The following REDIC1 variants were observed in gnomAD, a reference collection of about 807,000 sequenced individuals.
REDIC1 encodes regulator of DNA class I crossover intermediates 1, also known as HEI10 Interacting Protein 1.
the REDIC1 span, among the ~76,000 whole-genome samples, chr12:39,664,739 T>C: frequency 6.6e-6 from 1 of 152,250 alleles, no homozygotes; most frequent in South Asian, 2.1e-4. Flanking sequence ...CAGCATCTGT[T>C]GTTTCCTGGC....
chr12:39,749,214 A>G, the REDIC1 span, among the ~76,000 whole-genome samples: 3 of 152,100 alleles, frequency 2.0e-5, no homozygotes, highest in Non-Finnish European at 2.9e-5. Context: ...TCAAATAGAC[A>G]CAACAAAAAA....
At chr12:39,890,450 C>T in the REDIC1 span, among the ~76,000 whole-genome samples, 1 of 152,272 alleles carries the variant, frequency 6.6e-6, no homozygotes, top group Non-Finnish European at 1.5e-5. Flanking sequence ...TTAAATGTTG[C>T]TCATCAATTG....
chr12:39,789,304 T>C, the REDIC1 span, among the ~76,000 whole-genome samples: 1 of 152,108 alleles, frequency 6.6e-6, no homozygotes, highest in East Asian at 1.9e-4. Flanking sequence ...TAATGGATTA[T>C]TATATGATTT....
the REDIC1 span, among the ~76,000 whole-genome samples, chr12:39,696,551 A>AAAAAAT: frequency 8.4e-6 from 1 of 119,472 alleles, no homozygotes; most frequent in African/African-American, 3.5e-5. Context: ...TCAAAAAAAA[A>AAAAAAT]AAAAAAAAAA....
the REDIC1 span, among the ~76,000 whole-genome samples, chr12:39,687,881 TAAAGTCTTCACAGCAA>T: frequency 6.6e-6 from 1 of 152,212 alleles, no homozygotes; most frequent in East Asian, 1.9e-4. Flanking sequence ...CCTGAGTTGC[TAAAGTCTTCACAGCAA>T]AAGAGACTGA....
the REDIC1 span, among the ~76,000 whole-genome samples, chr12:39,900,559 G>A: frequency 6.6e-6 from 1 of 152,044 alleles, no homozygotes; most frequent in African/African-American, 2.4e-5. Context: ...CAAACAGAGA[G>A]CCAAATCATG....
chr12:39,707,095 A>C, the REDIC1 span, among the ~76,000 whole-genome samples: 1 of 152,018 alleles, frequency 6.6e-6, no homozygotes, highest in African/African-American at 2.4e-5. Flanking sequence ...AATGGGAGAA[A>C]ATATTTGCAA....
At chr12:39,846,628 T>A in the REDIC1 span, among the ~76,000 whole-genome samples, 1 of 152,148 alleles carries the variant, frequency 6.6e-6, no homozygotes, top group East Asian at 1.9e-4. Context: ...ATTTTTTGTA[T>A]TTTTGGAGAA....
the REDIC1 span, among the ~76,000 whole-genome samples, chr12:39,731,872 A>G: frequency 1.3e-5 from 2 of 151,486 alleles, no homozygotes; most frequent in Non-Finnish European, 2.9e-5. Context: ...TTATTATAAA[A>G]CACAAATGTA....
the REDIC1 span, among the ~76,000 whole-genome samples, chr12:39,736,387 G>A: frequency 2.6e-5 from 4 of 152,196 alleles, no homozygotes; most frequent in African/African-American, 4.8e-5. Flanking sequence ...CCAGGTCTTT[G>A]GATTGAGGAT....
At chr12:39,724,722 G>A in the REDIC1 span, among the ~76,000 whole-genome samples, 1 of 152,052 alleles carries the variant, frequency 6.6e-6, no homozygotes, top group South Asian at 2.1e-4. Flanking sequence ...GCCATCTGCT[G>A]AAAATTTAAT....
the REDIC1 span, among the ~76,000 whole-genome samples, chr12:39,763,043 G>A: frequency 6.6e-6 from 1 of 151,928 alleles, no homozygotes; most frequent in Non-Finnish European, 1.5e-5. Context: ...CTCAGGATGC[G>A]AGCATATACT....
At chr12:39,684,397 T>C in the REDIC1 span, 1 of 415,464 alleles carries the variant, frequency 2.4e-6, no homozygotes. Context: ...AAATTTTTAT[T>C]CTGGAAGTGA....
the REDIC1 span, among the ~76,000 whole-genome samples, chr12:39,781,549 T>G: frequency 6.6e-6 from 1 of 152,252 alleles, no homozygotes. Context: ...AACAAAATAT[T>G]GTCTCACAGT....
At chr12:39,758,836 C>A in the REDIC1 span, 2 of 149,108 alleles carry the variant, frequency 1.3e-5, no homozygotes, top group Admixed American at 6.7e-5. Context: ...GAAAAGTGTG[C>A]AAAATAAAAA....
the REDIC1 span, among the ~76,000 whole-genome samples, chr12:39,770,132 G>C: frequency 6.6e-6 from 1 of 151,760 alleles, no homozygotes; most frequent in Non-Finnish European, 1.5e-5. Context: ...CTAAATATAG[G>C]TGTCCTCTAA....
chr12:39,867,186 T>C, the REDIC1 span, among the ~76,000 whole-genome samples: 1 of 152,296 alleles, frequency 6.6e-6, no homozygotes. Context: ...TTTTCCCAAA[T>C]TACATCCATA....
the REDIC1 span, chr12:39,760,291 T>C: frequency 8.4e-6 from 13 of 1,540,510 alleles, no homozygotes; most frequent in African/African-American, 5.5e-5. Flanking sequence ...TATGAATATA[T>C]AGAGAGAGGC....
At chr12:39,870,974 C>A in the REDIC1 span, among the ~76,000 whole-genome samples, 2 of 152,198 alleles carry the variant, frequency 1.3e-5, no homozygotes, top group East Asian at 3.9e-4. Flanking sequence ...TAATGCTGCC[C>A]TGGAAACTAT....
Sources: gnomAD v4.1 joint callset for allele counts (sites outside exome capture counted in the v4.1 genomes callset) on GRCh38, gnomAD v4.1.1 for gene constraint, MANE v1.5 for transcripts, NCBI Gene and HGNC (gene_info 2026-07-23, HGNC 2026-07-21) for gene names.